NEB: variants seen among roughly 807,000 people sequenced by gnomAD.
The protein encoded by NEB is nemaline myopathy type 2.
NEB carries 512 observed loss-of-function variants against 952.2 expected under a neutral mutation model. That is an observed-to-expected ratio of 0.54 (90% CI 0.50 to 0.58). The LOEUF (loss-of-function observed/expected upper bound fraction) is 0.58, where lower values mean the gene tolerates loss of function less well. NEB is among the 20% of genes least tolerant of loss of function. NEB has a pLI of 0.00. For synonymous variants in NEB, 2,900 were observed against 3,149.8 expected (o/e 0.92, Z 2.66); for missense variants, 8,428 against 9,231.1 (o/e 0.91, Z 3.56).
At chr2:151,552,883 TCA>T in intron 127 of NEB, 107 bp from the exon 128 acceptor site, 1 of 727,402 alleles carries the variant, frequency 1.4e-6, no homozygotes, top group East Asian at 2.8e-5. Flanking sequence ...TTTATATTCA[TCA>T]GCACTACTCA....
intron 51 of NEB, among the ~76,000 whole-genome samples, 159 bp downstream of exon 51, chr2:151,655,111 T>G (rs2154145690): frequency 6.6e-6 from 1 of 152,360 alleles, no homozygotes; most frequent in South Asian, 2.1e-4. Flanking sequence ...CTGAAGCCTT[T>G]GCTCTTAAGC....
chr2:151,677,683 G>A lies in NEB; in HGVS notation c.3656C>T (p.Ala1219Val), dbSNP rs760487639. 9.9e-6 allele frequency: 16 copies of A among 1,613,908 alleles called. No individual in the cohort carries two copies. Among genetic ancestry groups the A allele is most frequent in the Non-Finnish European group, 1.4e-5 (16 of 1,179,870 alleles). Residue 1219 changes from alanine (A) to valine (V), a missense_variant, in exon 34 of 182, where the codon GCC becomes GTC. Physicochemically the swap from Ala to Val is moderately conservative, Grantham distance 64 (BLOSUM62 0). Transcript: ENST00000397345. ...CTTCTTTTCATTCAGAGCATCACCG[G>A]CCTTTTTAACTTTTTCGACGTCGAG... ...GSLDVEKVKK[A>V]GDALNEKKYR...
intron 48 of NEB, among the ~76,000 whole-genome samples, chr2:151,657,663 A>T (rs532865070): frequency 6.6e-6 from 1 of 152,346 alleles, no homozygotes; most frequent in South Asian, 2.1e-4. Context: ...AGGAGGCAAG[A>T]ACAACACAAG....
chr2:151,716,470 G>A (rs2099759689), intron 10 of NEB, among the ~76,000 whole-genome samples: 1 of 152,060 alleles, frequency 6.6e-6, no homozygotes, highest in South Asian at 2.1e-4. Context: ...ATGTATTTAT[G>A]TACAGTTCTA....
At chr2:151,572,471 G>T (rs1400828677) in intron 107 of NEB, among the ~76,000 whole-genome samples, 4 of 144,182 alleles carry the variant, frequency 2.8e-5, no homozygotes, top group African/African-American at 1.0e-4. Flanking sequence ...TTATGAGATT[G>T]AATATATATA....
In NEB at chr2:151,563,918, C is replaced by G; in HGVS notation, c.18484G>C (p.Gly6162Arg). The change falls in exon 118 of 182, where the codon GGG (glycine) becomes CGG (arginine). Residue 6162 changes from glycine to arginine, a missense_variant. Coordinates refer to ENST00000397345, the MANE Select transcript of NEB (RefSeq NM_001164508.2). ...TAGGCCTTGGTGCCCTCCCACGCCC[C>G]TTTATACAGTATCTAGAACAAAGAA... ...GKLYSTILYKGAWEGTKAYGY... is the reference protein window; with the variant it reads ...GKLYSTILYKRAWEGTKAYGY... 6.2e-7 allele frequency: 1 copy of G among 1,607,132 alleles called. No individual in the cohort carries two copies. The highest frequency in any genetic ancestry group is 8.5e-7 in the Non-Finnish European group (1 of 1,176,510).
chr2:151,566,568 T>G (rs774672067), intron 114 of NEB, among the ~76,000 whole-genome samples: 7 of 152,194 alleles, frequency 4.6e-5, no homozygotes, highest in Non-Finnish European at 8.8e-5. Context: ...GTTCTGCACA[T>G]GCAGAAGGCT....
At position 151,509,620 on chromosome 2, in the gene NEB, T is replaced by G. The variant is rs545897872; in HGVS notation, c.23347-1511A>C. On this transcript the variant is annotated intron_variant, in intron 161 of 181. Transcript: ENST00000397345. The stretch of plus-strand genomic sequence containing the variant: ...AACTGGGGAGGAAGAGAGGTTTTTT[T>G]TTTGTTTGTTTGGTTTTTTGTTTTT... 5.5e-4 allele frequency among the ~76,000 whole-genome samples: 83 copies of G among 152,244 alleles called. 1 individual carries two copies. The highest frequency in any genetic ancestry group is 3.4e-3 in the Middle Eastern group (1 of 294).
In NEB at chr2:151,575,733, T is replaced by C. The variant is rs1264302806; in HGVS notation, c.16975A>G (p.Ile5659Val). 15 of 1,610,042 alleles carry C rather than the reference T, an allele frequency of 9.3e-6. No individual in the cohort carries two copies. Among genetic ancestry groups the C allele is most frequent in the East Asian group, 4.5e-5 (2 of 44,864 alleles). ...AGAGCATTTGCTCTAGCGAGATTAA[T>C]TTCTGGAGTATCTGGCATTATGTGT... is the stretch of plus-strand genomic sequence containing the variant. ...SIHIMPDTPEINLARANALNV... is the reference protein window; with the variant it reads ...SIHIMPDTPEVNLARANALNV... Residue 5659 changes from isoleucine to valine, a missense_variant, in exon 107 of 182, where the codon ATT (isoleucine) becomes GTT (valine). Physicochemically the swap from Ile to Val is conservative, Grantham distance 29. Coordinates refer to ENST00000397345, the MANE Select transcript of NEB (RefSeq NM_001164508.2).
intron 129 of NEB, among the ~76,000 whole-genome samples, chr2:151,550,136 G>A (rs554584242): frequency 4.0e-5 from 6 of 151,782 alleles, no homozygotes; most frequent in African/African-American, 1.2e-4. Flanking sequence ...GCATGGTGGC[G>A]TGTACCTGTA....
At chr2:151,531,392 C>T (rs1165706894) in intron 144 of NEB, among the ~76,000 whole-genome samples, 1 of 142,094 alleles carries the variant, frequency 7.0e-6, no homozygotes, top group African/African-American at 2.6e-5. Context: ...TCTTGGTTCA[C>T]TGCAACCTCC....
chr2:151,486,938 T>A (rs1287996081), intron 181 of NEB, among the ~76,000 whole-genome samples: 1 of 152,218 alleles, frequency 6.6e-6, no homozygotes, highest in Non-Finnish European at 1.5e-5. Context: ...CAGTTTTTTT[T>A]ATGGTGATGA....
intron 9 of NEB, among the ~76,000 whole-genome samples, chr2:151,722,315 C>T (rs914933433): frequency 6.6e-6 from 1 of 152,206 alleles, no homozygotes; most frequent in South Asian, 2.1e-4. Context: ...GAGTGTTAGG[C>T]CCAAGTGGGT....
rs768906941 is a variant in NEB, at chr2:151,492,494, C to T, written c.24766G>A (p.Val8256Ile). Residue 8256 changes from valine to isoleucine, a missense_variant and splice_region_variant, in exon 177 of 182, where the codon GTT becomes ATT. Around this residue, in one of 11 missense-constraint regions of NEB, gnomAD observed 3,374 missense variants for 3,651.5 expected, o/e 0.92. Transcript: ENST00000397345. ...AKRNQENISS[V>I]LYSDSFRKQI... ...TTCCGGAAACTATCAGAATAAAGAA[C>T]CTGATGCAGGAGAGACCGTGAATGA... 6.2e-7 allele frequency: 1 copy of T among 1,606,344 alleles called. No individual in the cohort carries two copies. The highest frequency in any genetic ancestry group is 8.5e-7 in the Non-Finnish European group (1 of 1,173,552).
At chr2:151,544,018 T>C (rs186558962) in intron 135 of NEB, among the ~76,000 whole-genome samples, 1 of 152,278 alleles carries the variant, frequency 6.6e-6, no homozygotes, top group Admixed American at 6.5e-5. Flanking sequence ...CCTCCCCCGC[T>C]CTCCATGGTT....
chr2:151,513,457 T>G, intron 160 of NEB, 123 bp downstream of exon 160: 1 of 694,086 alleles, frequency 1.4e-6, no homozygotes, highest in South Asian at 2.0e-5. Flanking sequence ...TCCAGGCAGA[T>G]GTTCAAGAAT....
chr2:151,525,410 T>TTCTA, intron 150 of NEB, 137 bp from the exon 151 acceptor site: 2 of 639,772 alleles, frequency 3.1e-6, no homozygotes, highest in Non-Finnish European at 5.4e-6. Context: ...AAGACCCATA[T>TTCTA]TCTAGTTCTT....
chr2:151,666,870 CT>C (rs1253879689), intron 40 of NEB, among the ~76,000 whole-genome samples: 2 of 151,840 alleles, frequency 1.3e-5, no homozygotes, highest in Non-Finnish European at 2.9e-5. Flanking sequence ...TCAATGTATG[CT>C]TTTTTATGAC....
Position 151,540,439 on chromosome 2 carries a change from T to C in NEB, c.20797A>G (p.Lys6933Glu), listed in dbSNP as rs1343621301. The part of the protein sequence containing the change: ...VKDMVSEKKY[K>E]IQYEKMKDKY... ...TCTTTCATCTTTTCATATTGAATCT[T>C]GTACTTTTTCTGAGAAATAAATGCA... The change falls in exon 138 of 182, where the codon AAG (lysine) becomes GAG (glutamate). Residue 6933 changes from lysine (K) to glutamate (E), a missense_variant. By Grantham distance (56) the Lys-to-Glu change is moderately conservative. Around this residue, in one of 11 missense-constraint regions of NEB, gnomAD observed 3,374 missense variants for 3,651.5 expected, o/e 0.92. Coordinates refer to ENST00000397345, the MANE Select transcript of NEB (RefSeq NM_001164508.2). 1.3e-6 allele frequency: 2 copies of C among 1,560,706 alleles called. No individual in the cohort carries two copies. The highest frequency in any genetic ancestry group is 1.7e-6 in the Non-Finnish European group (2 of 1,150,164).
Sources: gnomAD v4.1 joint callset for allele counts (sites outside exome capture counted in the v4.1 genomes callset) on GRCh38, gnomAD v4.1.1 for gene constraint, gnomAD v4.1.1 regional missense constraint, MANE v1.5 for transcripts, NCBI Gene and HGNC (gene_info 2026-07-23, HGNC 2026-07-21) for gene names.